ERCC6: variants seen among roughly 807,000 people sequenced by gnomAD.
The protein encoded by ERCC6 is DNA excision repair protein ERCC-6.
In ERCC6, 116 loss-of-function variants were observed where a neutral mutation model predicts 158.7. The observed-to-expected ratio is 0.73, with a 90% CI of 0.63 to 0.85. The LOEUF is 0.85. Among genes scored for constraint, ERCC6 ranks in the 40% least tolerant of loss-of-function variants. The pLI is 0.00. For synonymous variants in ERCC6, 678 were observed against 659.3 expected (o/e 1.03, Z -0.43); for missense variants, 1,698 against 1,799.4 (o/e 0.94, Z 1.02).
chr10:49,508,523 G>A (rs1851483003), intron 5 of ERCC6, among the ~76,000 whole-genome samples: 1 of 152,124 alleles, frequency 6.6e-6, no homozygotes, highest in South Asian at 2.1e-4. Context: ...AAGATGAAAA[G>A]GGCCAAACAT....
intron 18 of ERCC6, among the ~76,000 whole-genome samples, chr10:49,465,042 C>T (rs530611814): frequency 3.9e-5 from 6 of 152,280 alleles, no homozygotes; most frequent in Admixed American, 2.6e-4. Flanking sequence ...CCACTGACAG[C>T]TTGCACCATG....
chr10:49,469,850 G>C (rs1444199975), intron 18 of ERCC6, among the ~76,000 whole-genome samples: 1 of 152,158 alleles, frequency 6.6e-6, no homozygotes, highest in Non-Finnish European at 1.5e-5. Context: ...AATCTCCTGT[G>C]GTTGGAAAAT....
chr10:49,482,870 G>C lies in ERCC6; in HGVS notation c.1993-7C>G. ...TCCGATGAGGGGTGCGAAACTATTT[G>C]AGGAAAGGAAGCACCTTTTTATTAA... On this transcript the variant is annotated splice_region_variant and splice_polypyrimidine_tract_variant and intron_variant, in intron 9 of 20. Transcript: ENST00000355832. 1 of 1,614,050 alleles carries C rather than the reference G, an allele frequency of 6.2e-7. No individual in the cohort carries two copies.
chr10:49,489,739 GA>G (rs199779724), intron 8 of ERCC6, among the ~76,000 whole-genome samples: 24 of 150,490 alleles, frequency 1.6e-4, no homozygotes, highest in African/African-American at 4.6e-4. Flanking sequence ...CCAATAAATT[GA>G]AAAAAAAATC....
rs1564728877 is a variant in ERCC6 at position 49,470,166 on chromosome 10, G to GT, written c.3778+15dup. 7 of 1,610,486 alleles carry GT rather than the reference G, an allele frequency of 4.3e-6. No homozygotes were observed. In the South Asian group the frequency reaches 7.7e-5, roughly 18 times the overall value. On this transcript the variant is annotated intron_variant, in intron 18 of 20. Coordinates refer to ENST00000355832, the MANE Select transcript of ERCC6 (RefSeq NM_000124.4). The stretch of plus-strand genomic sequence containing the variant: ...TAATCCTAGCATCCCTGTGGCAAAC[G>GT]TATCAAATGGATTACCTGATTTTTT...
chr10:49,448,782 G>T, the ERCC6 span, among the ~76,000 whole-genome samples: 3 of 152,242 alleles, frequency 2.0e-5, no homozygotes, highest in East Asian at 5.8e-4. Flanking sequence ...AGGTTCATCA[G>T]TGTTATAGCA....
intron 3 of ERCC6, among the ~76,000 whole-genome samples, chr10:49,529,846 T>C (rs912784347): frequency 6.6e-6 from 1 of 152,040 alleles, no homozygotes; most frequent in Non-Finnish European, 1.5e-5. Context: ...TCATAAAAAA[T>C]GTTTCAGACC....
In ERCC6 at chr10:49,524,258, GC is replaced by G; in HGVS notation, c.1171del (p.Ala391GlnfsTer14). On this transcript the variant is annotated frameshift_variant, in exon 5 of 21. Coordinates refer to ENST00000355832, the MANE Select transcript of ERCC6 (RefSeq NM_000124.4). LOFTEE classifies it high-confidence loss of function. ...EEEEDDEVEG[A>X]EADLSGDGTD... ...ACCATCTCCAGACAGGTCCGCCTCT[GC>G]CCCCTCCACCTCGTCATCTTCCTCC... 6.2e-7 allele frequency: 1 copy of G among 1,613,972 alleles called. No individual in the cohort carries two copies. The highest frequency in any genetic ancestry group is 8.5e-7 in the Non-Finnish European group (1 of 1,180,010).
intron 8 of ERCC6, among the ~76,000 whole-genome samples, chr10:49,492,080 G>C (rs1436275439): frequency 6.6e-6 from 1 of 152,118 alleles, no homozygotes; most frequent in African/African-American, 2.4e-5. Flanking sequence ...AAAGTCAGTT[G>C]GTTTTAACAA....
At chr10:49,537,497 A>G (rs1837627108) in intron 1 of ERCC6, among the ~76,000 whole-genome samples, 1 of 139,286 alleles carries the variant, frequency 7.2e-6, no homozygotes, top group African/African-American at 2.7e-5. Flanking sequence ...CTATATATAT[A>G]TATATACACA....
At chr10:49,526,563 G>T (rs113374745) in intron 4 of ERCC6, among the ~76,000 whole-genome samples, 41 of 152,120 alleles carry the variant, frequency 2.7e-4, no homozygotes, top group African/African-American at 9.4e-4. Flanking sequence ...AGAAGTTCTT[G>T]GTTTTATATA....
chr10:49,466,957 T>C (rs903479132), intron 18 of ERCC6, among the ~76,000 whole-genome samples: 1 of 152,158 alleles, frequency 6.6e-6, no homozygotes, highest in Non-Finnish European at 1.5e-5. Context: ...AATTTTTGTA[T>C]TTTTGTAGAG....
At chr10:49,483,748 A>C (rs1224207572) in intron 8 of ERCC6, among the ~76,000 whole-genome samples, 1 of 151,732 alleles carries the variant, frequency 6.6e-6, no homozygotes, top group Non-Finnish European at 1.5e-5. Flanking sequence ...AAGTTATAAT[A>C]CATATATTTA....
At chr10:49,452,780 A>AT (rs1423037109), downstream of ERCC6, among the ~76,000 whole-genome samples, 1 of 152,080 alleles carries the variant, frequency 6.6e-6, no homozygotes, top group Non-Finnish European at 1.5e-5. Flanking sequence ...TACAACTGTT[A>AT]TATCTTTTTG....
chr10:49,532,495 G>C (rs190849265), intron 2 of ERCC6, 48 bp downstream of exon 2: 1 of 1,608,234 alleles, frequency 6.2e-7, no homozygotes, highest in South Asian at 1.1e-5. Context: ...GAATATCCCT[G>C]TCATGTTTTA....
intron 1 of ERCC6, among the ~76,000 whole-genome samples, chr10:49,534,679 C>A (rs1435168830): frequency 1.3e-5 from 2 of 152,172 alleles, no homozygotes; most frequent in Non-Finnish European, 2.9e-5. Flanking sequence ...AATATATTCA[C>A]TATATTACCT....
chr10:49,484,350 A>C (rs1356969799), intron 8 of ERCC6, among the ~76,000 whole-genome samples: 3 of 152,132 alleles, frequency 2.0e-5, no homozygotes, highest in Non-Finnish European at 4.4e-5. Flanking sequence ...CGAGATTTGA[A>C]TCTACAGAAC....
rs1338290383 is a variant in ERCC6, at chr10:49,458,967, G to A, written c.4330C>T (p.Gln1444Ter). The stretch of plus-strand genomic sequence containing the variant: ...TGCAGTATCTCCCTGGTGCTGGCCT[G>A]GCCATCAGTGTGGGCCTGGAAAGCG... ...FIAFQAHTDG[Q>*]ASTREILQEF... Residue 1444 changes from glutamine to a stop codon, truncating the protein, a stop_gained, in exon 21 of 21, where the codon CAG becomes TAG. Coordinates refer to ENST00000355832, the MANE Select transcript of ERCC6 (RefSeq NM_000124.4). LOFTEE classifies it high-confidence loss of function. The A allele has an allele frequency of 6.2e-7, 1 of 1,614,036 alleles. No homozygotes were observed. The highest frequency in any genetic ancestry group is 1.3e-5 in the African/African-American group (1 of 74,900).
At position 49,505,748 on chromosome 10, in the gene ERCC6, G is replaced by A. The variant is rs146671715; in HGVS notation, c.1526+136C>T. 436 of 943,642 alleles carry A rather than the reference G, an allele frequency of 4.6e-4. 1 individual carries two copies. In the African/African-American group the frequency reaches 6.8e-3, roughly 15 times the overall value. 58.5% of individuals were successfully genotyped at this position (943,642 alleles called of 1,614,324 possible). A position where few individuals can be genotyped will look rare whatever the true frequency, so the allele number is the denominator to read the frequency against. On this transcript the variant is annotated intron_variant, in intron 6 of 20. Transcript: ENST00000355832. ...ACAGCACGTGGCTATAATTTCATTT[G>A]ACAGTATCTGTTTTTGCAACAAATT...
Sources: allele counts gnomAD v4.1 joint callset (sites outside exome capture counted in the v4.1 genomes callset), GRCh38; gene constraint gnomAD v4.1.1; transcripts MANE v1.5; gene names NCBI Gene and HGNC (gene_info 2026-07-23, HGNC 2026-07-21).